Variants in ZNF28 observed in about 807,000 individuals in gnomAD.
ZNF28 encodes the protein zinc finger protein 28, also known as zinc finger protein KOX24.
In ZNF28, 5 loss-of-function variants were observed where a neutral mutation model predicts 7.2. That is an observed-to-expected ratio of 0.70 (90% CI 0.36 to 1.46). ZNF28 has a LOEUF of 1.46. Ranked by LOEUF, ZNF28 falls within the 40% of genes most tolerant of loss-of-function variation. The pLI, the probability that ZNF28 is intolerant of heterozygous loss-of-function variation, is 0.03. For synonymous variants in ZNF28, 288 were observed against 292.4 expected (o/e 0.99, Z 0.15); for missense variants, 879 against 866.6 (o/e 1.01, Z -0.18).
intron 2 of ZNF28, among the ~76,000 whole-genome samples, chr19:52,811,027 T>C (rs1475616253): frequency 1.4e-5 from 2 of 146,202 alleles, no homozygotes; most frequent in African/African-American, 5.0e-5. Context: ...GTGCCTGCGA[T>C]TGCAGGCACG....
chr19:52,800,161 G>T lies in ZNF28; in HGVS notation c.1684C>A (p.Arg562Ser), dbSNP rs752696277. The part of the protein sequence containing the change: ...KCEECEKVFS[R>S]KSHMERHRRI... The stretch of plus-strand genomic sequence containing the variant: ...CTATGTCTTTCCATGTGTGATTTGC[G>T]ACTGAAAACTTTCTCACATTCTTCA... Residue 562 changes from arginine to serine, a missense_variant, in exon 4 of 4, where the codon CGC becomes AGC. Arg to Ser is a moderately radical substitution (Grantham distance 110, BLOSUM62 -1). Transcript: ENST00000457749. 1 of 1,610,130 alleles carries T rather than the reference G, an allele frequency of 6.2e-7. No individual in the cohort carries two copies. Among genetic ancestry groups the T allele is most frequent in the Non-Finnish European group, 8.5e-7 (1 of 1,179,014 alleles).
chr19:52,802,815 C>T lies in ZNF28; in HGVS notation c.143-1113G>A, dbSNP rs547224353. Among the ~76,000 whole-genome samples, 36 of 144,552 alleles carry T rather than the reference C, an allele frequency of 2.5e-4. No individual in the cohort carries two copies. In the East Asian group the frequency reaches 7.1e-3, roughly 28 times the overall value. The allele number at this position is 144,552 out of a possible 152,430, so 94.8% of individuals were successfully genotyped here. ...TTGCTCTGTCGCCCAGGCTGGAGTG[C>T]AGTGGCATGATCTCGGCTCACTGCA... On this transcript the variant is annotated intron_variant, in intron 3 of 3. Coordinates refer to ENST00000457749, the MANE Select transcript of ZNF28 (RefSeq NM_006969.5).
At position 52,801,201 on chromosome 19, in the gene ZNF28, A is replaced by G; in HGVS notation, c.644T>C (p.Phe215Ser). ...KRNVHMREKSFQCIESGKSFN... is the reference protein window; with the variant it reads ...KRNVHMREKSSQCIESGKSFN... ...GGATTTGCCACTCTCAATACATTGG[A>G]AAGATTTTTCTCTCATGTGTACATT... is the stretch of plus-strand genomic sequence containing the variant. Residue 215 changes from phenylalanine to serine, a missense_variant, in exon 4 of 4, where the codon TTC becomes TCC. Coordinates refer to ENST00000457749, the MANE Select transcript of ZNF28 (RefSeq NM_006969.5). 1 of 1,614,102 alleles carries G rather than the reference A, an allele frequency of 6.2e-7. No homozygotes were observed.
At chr19:52,817,696 C>G (rs1344264630) in intron 2 of ZNF28, among the ~76,000 whole-genome samples, 1 of 152,138 alleles carries the variant, frequency 6.6e-6, no homozygotes, top group Non-Finnish European at 1.5e-5. Context: ...ACCCTCACCC[C>G]GTCTCCATCC....
chr19:52,809,279 A>G (rs1173161713), intron 2 of ZNF28, among the ~76,000 whole-genome samples: 1 of 152,180 alleles, frequency 6.6e-6, no homozygotes. Flanking sequence ...GGCAGCCACT[A>G]TGGCACTCTT....
In ZNF28 at chr19:52,798,653, TGACTG is replaced by T; in HGVS notation, c.*1030_*1034del. 2.3e-6 allele frequency: 1 copy of T among 436,764 alleles called. No homozygotes were observed. The highest frequency in any genetic ancestry group is 1.8e-5 in the South Asian group (1 of 56,456). 27.1% of individuals were successfully genotyped at this position (436,764 alleles called of 1,614,324 possible). A position where few individuals can be genotyped will look rare whatever the true frequency, so the allele number is the denominator to read the frequency against. ...CCTATGTTTTGCATAGGATGAAACTTGACTGAAGACCTTGCCACAATCATGACATT... is the reference window on the plus strand; with the variant it reads ...CCTATGTTTTGCATAGGATGAAACTTAAGACCTTGCCACAATCATGACATT... On this transcript the variant is annotated 3_prime_UTR_variant, in exon 4 of 4. Coordinates refer to ENST00000457749, the MANE Select transcript of ZNF28 (RefSeq NM_006969.5).
chr19:52,816,581 A>G (rs1409646667), intron 2 of ZNF28, among the ~76,000 whole-genome samples: 1 of 144,790 alleles, frequency 6.9e-6, no homozygotes, highest in South Asian at 2.3e-4. Context: ...GGAGAATGGC[A>G]TGAACCCAGG....
rs1428816820 is a variant in ZNF28 at position 52,816,256 on chromosome 19, C to A, written c.15+1688G>T. On this transcript the variant is annotated intron_variant, in intron 2 of 3. Transcript: ENST00000457749. ...TGTTGGGGCTGGGCATGGTGGCTTG[C>A]ACCTGTAATCCCAACACTCTTGGGG... is the stretch of plus-strand genomic sequence containing the variant. Among the ~76,000 whole-genome samples, 3 of 146,898 alleles carry A rather than the reference C, an allele frequency of 2.0e-5. 1 individual carries two copies. Among genetic ancestry groups the A allele is most frequent in the African/African-American group, 7.9e-5 (3 of 37,996 alleles).
At chr19:52,819,358 C>G (rs1376665743) in intron 1 of ZNF28, among the ~76,000 whole-genome samples, 1 of 145,436 alleles carries the variant, frequency 6.9e-6, no homozygotes, top group Non-Finnish European at 1.5e-5. Context: ...AAGATGGTCT[C>G]TCTTTCTGAG....
At position 52,798,831 on chromosome 19, in the gene ZNF28, T is replaced by C. The variant is rs2062827484; in HGVS notation, c.*857A>G. 2.9e-6 allele frequency: 3 copies of C among 1,043,036 alleles called. No individual in the cohort carries two copies. Among genetic ancestry groups the C allele is most frequent in the East Asian group, 7.3e-5 (2 of 27,372 alleles). The allele number at this position is 1,043,036 out of a possible 1,614,324, so 64.6% of individuals were successfully genotyped here. A position where few individuals can be genotyped will look rare whatever the true frequency, so the allele number is the denominator to read the frequency against. On this transcript the variant is annotated 3_prime_UTR_variant, in exon 4 of 4. Transcript: ENST00000457749. Reference sequence around the variant, plus strand: ...ATGGTTGTAGCATTACTGAAAACTTTGTGACAATCATTATATTAGTCAAGT... The same window carrying C: ...ATGGTTGTAGCATTACTGAAAACTTCGTGACAATCATTATATTAGTCAAGT...
chr19:52,808,894 A>G (rs1267191322), intron 2 of ZNF28, among the ~76,000 whole-genome samples: 1 of 152,140 alleles, frequency 6.6e-6, no homozygotes, highest in Non-Finnish European at 1.5e-5. Flanking sequence ...AAAATAATAA[A>G]ACCTAGAGAC....
chr19:52,799,735 A>G lies in ZNF28; in HGVS notation c.2110T>C (p.Ser704Pro), dbSNP rs754652580. Reference protein sequence around the residue: ...NECGKTFSQMSNLVYHHRLHS... With the variant: ...NECGKTFSQMPNLVYHHRLHS... ...AGTCTATGATGGTATACAAGGTTTG[A>G]CATCTGACTGAAGGTCTTGCCACAC... The change falls in exon 4 of 4, where the codon TCA becomes CCA. Residue 704 changes from serine to proline, a missense_variant. By Grantham distance (74) the Ser-to-Pro change is moderately conservative. Around this residue, in one of 2 missense-constraint regions of ZNF28, gnomAD observed 15 missense variants for 36.4 expected, o/e 0.41. Coordinates refer to ENST00000457749, the MANE Select transcript of ZNF28 (RefSeq NM_006969.5). The G allele has an allele frequency of 1.1e-5, 17 of 1,613,498 alleles. No individual in the cohort carries two copies. The highest frequency in any genetic ancestry group is 2.7e-5 in the African/African-American group (2 of 74,842).
intron 2 of ZNF28, among the ~76,000 whole-genome samples, chr19:52,811,230 C>T (rs1273169242): frequency 6.6e-6 from 1 of 151,482 alleles, no homozygotes; most frequent in South Asian, 2.1e-4. Flanking sequence ...GCGGCGTGAT[C>T]TCGGCTCACT....
intron 3 of ZNF28, among the ~76,000 whole-genome samples, chr19:52,804,161 A>G (rs779353069): frequency 5.3e-5 from 8 of 152,184 alleles, no homozygotes; most frequent in Non-Finnish European, 8.8e-5. Context: ...CACAGCAGGA[A>G]TATGGCTGGT....
At chr19:52,818,346 G>A (rs2063153096) in intron 1 of ZNF28, among the ~76,000 whole-genome samples, 1 of 152,198 alleles carries the variant, frequency 6.6e-6, no homozygotes, top group African/African-American at 2.4e-5. Flanking sequence ...GGAAGCTGAG[G>A]TGGAAGGATC....
Position 52,799,541 on chromosome 19 carries a change from A to C in ZNF28, c.*147T>G. On this transcript the variant is annotated 3_prime_UTR_variant, in exon 4 of 4. Transcript: ENST00000457749. ...ACTTGTAAAGTTTCTCTCCAGTATG[A>C]ATGGCTTTGTGACTTACAAGGGTTG... is the stretch of plus-strand genomic sequence containing the variant. 1.4e-6 allele frequency: 2 copies of C among 1,417,900 alleles called. No individual in the cohort carries two copies. Among genetic ancestry groups the C allele is most frequent in the South Asian group, 2.4e-5 (2 of 81,940 alleles). 87.8% of individuals were successfully genotyped at this position (1,417,900 alleles called of 1,614,324 possible).
rs1401795079 is a variant in ZNF28, at chr19:52,800,907, T to C, written c.938A>G (p.His313Arg). 5 of 1,614,096 alleles carry C rather than the reference T, an allele frequency of 3.1e-6. No individual in the cohort carries two copies. Among genetic ancestry groups the C allele is most frequent in the Non-Finnish European group, 4.2e-6 (5 of 1,179,988 alleles). The change falls in exon 4 of 4, where the codon CAC (histidine) becomes CGC (arginine). Residue 313 changes from histidine (H) to arginine (R), a missense_variant. Transcript: ENST00000457749. ...ATAAATTATCTTATGTGTTTCAAGG[T>C]GTGATTTGCGACTGAAAACTTTGTC... ...ECDKVFSRKS[H>R]LETHKIIYTG...
In ZNF28 at chr19:52,801,224, A is replaced by T. The variant is rs372268198; in HGVS notation, c.621T>A (p.Asn207Lys). The part of the protein sequence containing the change: ...LHSSLLTQKR[N>K]VHMREKSFQC... ...GGAAAGATTTTTCTCTCATGTGTACATTCCGTTTTTGTGTGAGTAATGAAG... is the reference window on the plus strand; with the variant it reads ...GGAAAGATTTTTCTCTCATGTGTACTTTCCGTTTTTGTGTGAGTAATGAAG... Residue 207 changes from asparagine to lysine, a missense_variant, in exon 4 of 4, where the codon AAT (asparagine) becomes AAA (lysine). Around this residue, in one of 2 missense-constraint regions of ZNF28, gnomAD observed 864 missense variants for 830.2 expected, o/e 1.04. Coordinates refer to ENST00000457749, the MANE Select transcript of ZNF28 (RefSeq NM_006969.5). The T allele has an allele frequency of 5.0e-6, 8 of 1,614,020 alleles. No homozygotes were observed. The highest frequency in any genetic ancestry group is 1.7e-5 in the Admixed American group (1 of 59,996).
At position 52,800,447 on chromosome 19, in the gene ZNF28, T is replaced by G. The variant is rs753589598; in HGVS notation, c.1398A>C (p.Pro466=). ...CTTTGTCACATTCTTCACATTTGTATGGTTTCTCTGCAGTATGAAGTCTAT... is the reference window on the plus strand; with the variant it reads ...CTTTGTCACATTCTTCACATTTGTAGGGTTTCTCTGCAGTATGAAGTCTAT... ...RHHRLHTAEK[P]YKCEECDKVF... Residue 466 remains proline, a synonymous_variant, in exon 4 of 4, where the codon CCA becomes CCC. Coordinates refer to ENST00000457749, the MANE Select transcript of ZNF28 (RefSeq NM_006969.5). 6.2e-7 allele frequency: 1 copy of G among 1,613,002 alleles called. No homozygotes were observed. Among genetic ancestry groups the G allele is most frequent in the African/African-American group, 1.3e-5 (1 of 74,610 alleles).
Sources: gnomAD v4.1 joint callset for allele counts (sites outside exome capture counted in the v4.1 genomes callset) on GRCh38, gnomAD v4.1.1 for gene constraint, gnomAD v4.1.1 regional missense constraint, MANE v1.5 for transcripts, NCBI Gene and HGNC (gene_info 2026-07-23, HGNC 2026-07-21) for gene names.